The following CAMK1D variants were observed in gnomAD, a reference collection of about 807,000 sequenced individuals.
CAMK1D encodes calcium/calmodulin-dependent protein kinase type 1D.
In CAMK1D, 9 loss-of-function variants were observed where a neutral mutation model predicts 47.7. The observed-to-expected ratio is 0.19, with a 90% confidence interval of 0.11 to 0.33. The LOEUF is 0.33. Ranked by LOEUF, CAMK1D falls within the 10% of genes least tolerant of loss-of-function variation. The pLI is 1.00. For missense variants in CAMK1D, 291 were observed against 488.7 expected, an observed-to-expected ratio of 0.60 and a Z score of 3.81; for synonymous variants, 184 against 184.9, an observed-to-expected ratio of 0.99 and a Z score of 0.04.
At position 12,357,051 on chromosome 10, in the gene CAMK1D, C is replaced by G. The variant is rs560282315; in HGVS notation, c.92+7141C>G. On this transcript the variant is annotated intron_variant, in intron 1 of 10. Transcript: ENST00000619168. ...AATCTCCTTAAATCCCCTTCAATCTCTCTCCTCCTGCTTCTCCTCCTCTCT... is the reference window on the plus strand; with the variant it reads ...AATCTCCTTAAATCCCCTTCAATCTGTCTCCTCCTGCTTCTCCTCCTCTCT... Among the ~76,000 whole-genome samples, 16 of 152,260 alleles carry G rather than the reference C, an allele frequency of 1.1e-4. No individual in the cohort carries two copies. In the South Asian group the frequency reaches 3.3e-3, roughly 32 times the overall value.
At chr10:12,462,407 G>A (rs1009491558) in intron 1 of CAMK1D, among the ~76,000 whole-genome samples, 2 of 151,462 alleles carry the variant, frequency 1.3e-5, no homozygotes, top group South Asian at 2.1e-4. Flanking sequence ...CTTGTGATCC[G>A]CCCACCCTGG....
intron 2 of CAMK1D, among the ~76,000 whole-genome samples, chr10:12,657,244 G>A (rs1840144122): frequency 1.3e-5 from 2 of 152,066 alleles, no homozygotes; most frequent in Non-Finnish European, 2.9e-5. Context: ...GGCCAACATG[G>A]TGAAACCCCG....
intron 3 of CAMK1D, among the ~76,000 whole-genome samples, chr10:12,695,246 A>G (rs1833237872): frequency 6.6e-6 from 1 of 152,168 alleles, no homozygotes; most frequent in African/African-American, 2.4e-5. Flanking sequence ...ACAGACGGAG[A>G]ATGACTTGGA....
At chr10:12,427,188 G>C (rs191554038) in intron 1 of CAMK1D, among the ~76,000 whole-genome samples, 1 of 152,308 alleles carries the variant, frequency 6.6e-6, no homozygotes, top group East Asian at 1.9e-4. Flanking sequence ...GGCAGGAAAG[G>C]GAACAAATTT....
chr10:12,363,192 C>T (rs542675014), intron 1 of CAMK1D, among the ~76,000 whole-genome samples: 4 of 147,596 alleles, frequency 2.7e-5, no homozygotes, highest in African/African-American at 1.0e-4. Flanking sequence ...CCGCCCGCCT[C>T]GGCCTCCCAA....
intron 3 of CAMK1D, among the ~76,000 whole-genome samples, chr10:12,738,440 G>A (rs941675096): frequency 1.3e-5 from 2 of 152,164 alleles, no homozygotes; most frequent in Non-Finnish European, 2.9e-5. Context: ...TTCTAGGAAT[G>A]GCATCATCCA....
intron 6 of CAMK1D, among the ~76,000 whole-genome samples, chr10:12,813,271 T>A (rs1832676227): frequency 6.6e-6 from 1 of 152,346 alleles, no homozygotes; most frequent in South Asian, 2.1e-4. Flanking sequence ...ACCCTCCGCA[T>A]ACTCAGTCTG....
At chr10:12,597,673 T>TAA (rs1170106190) in intron 2 of CAMK1D, among the ~76,000 whole-genome samples, 1 of 152,210 alleles carries the variant, frequency 6.6e-6, no homozygotes, top group Non-Finnish European at 1.5e-5. Context: ...TTCCTGACTT[T>TAA]AAATCCTTGC....
At chr10:12,807,127 C>T (rs184776534) in intron 6 of CAMK1D, among the ~76,000 whole-genome samples, 416 of 152,296 alleles carry the variant, frequency 2.7e-3, no homozygotes, top group African/African-American at 9.6e-3. Flanking sequence ...GGCATAAGGC[C>T]TCTAACTCCA....
chr10:12,722,978 G>T (rs188920748), intron 3 of CAMK1D, among the ~76,000 whole-genome samples: 143 of 152,272 alleles, frequency 9.4e-4, no homozygotes, highest in African/African-American at 3.4e-3. Flanking sequence ...AATGGTGTGG[G>T]CTGGAATTTG....
intron 1 of CAMK1D, among the ~76,000 whole-genome samples, chr10:12,408,990 G>A (rs969977806): frequency 2.0e-5 from 3 of 151,568 alleles, no homozygotes; most frequent in Non-Finnish European, 2.9e-5. Context: ...AGTAGTAGTT[G>A]GGACTACAGG....
chr10:12,477,102 A>T (rs1833925341), intron 1 of CAMK1D, among the ~76,000 whole-genome samples: 1 of 152,108 alleles, frequency 6.6e-6, no homozygotes, highest in South Asian at 2.1e-4. Flanking sequence ...ATTGTCAGAA[A>T]GAACGCAGGT....
At chr10:12,455,958 C>T (rs1010306310) in intron 1 of CAMK1D, among the ~76,000 whole-genome samples, 11 of 152,128 alleles carry the variant, frequency 7.2e-5, no homozygotes, top group Middle Eastern at 3.2e-3. Context: ...TGGTGCACCC[C>T]GCCCATAATA....
intron 2 of CAMK1D, among the ~76,000 whole-genome samples, chr10:12,656,340 A>G (rs1405786581): frequency 2.0e-5 from 3 of 152,172 alleles, no homozygotes; most frequent in Admixed American, 6.5e-5. Flanking sequence ...AAATATGCCA[A>G]AATTAGCTGG....
rs117342434 is a variant in CAMK1D, at chr10:12,576,822, C to A, written c.224+23466C>A. 4.2e-3 allele frequency among the ~76,000 whole-genome samples: 636 copies of A among 152,280 alleles called. 17 individuals are homozygous for A. In the East Asian group the frequency reaches 0.077, roughly 19 times the overall value. On this transcript the variant is annotated intron_variant, in intron 2 of 10. Coordinates refer to ENST00000619168, the MANE Select transcript of CAMK1D (RefSeq NM_153498.4). Reference sequence around the variant, plus strand: ...GAGACTCGGCTCTGTATTTCTAGAGCTTTGTAGACAAATCCATGCTGGTGT... The same window carrying A: ...GAGACTCGGCTCTGTATTTCTAGAGATTTGTAGACAAATCCATGCTGGTGT...
chr10:12,777,749 T>A (rs375350811), intron 5 of CAMK1D, among the ~76,000 whole-genome samples: 3 of 152,320 alleles, frequency 2.0e-5, no homozygotes, highest in Admixed American at 6.5e-5. Context: ...CGGGTCTTGG[T>A]AAGTACACCA....
intron 1 of CAMK1D, among the ~76,000 whole-genome samples, chr10:12,375,339 TC>T (rs1838145468): frequency 6.6e-6 from 1 of 152,162 alleles, no homozygotes. Context: ...TTGAGAACGT[TC>T]CCCCACTATT....
At chr10:12,352,435 C>G (rs189672244) in intron 1 of CAMK1D, among the ~76,000 whole-genome samples, 1 of 151,704 alleles carries the variant, frequency 6.6e-6, no homozygotes, top group Non-Finnish European at 1.5e-5. Context: ...ATGGTGAAAC[C>G]CTGTTGCTAC....
intron 3 of CAMK1D, chr10:12,760,702 G>C (rs1836460583): frequency 2.2e-6 from 1 of 455,924 alleles, no homozygotes; most frequent in Admixed American, 3.3e-5. Flanking sequence ...GGCCTGGACA[G>C]AACCCAGGTG....
Sources: gnomAD v4.1 joint callset for allele counts (sites outside exome capture counted in the v4.1 genomes callset) on GRCh38, gnomAD v4.1.1 for gene constraint, MANE v1.5 for transcripts, NCBI Gene and HGNC (gene_info 2026-07-23, HGNC 2026-07-21) for gene names.